NAALADL2: variants seen among roughly 807,000 people sequenced by gnomAD.
The protein encoded by NAALADL2 is inactive N-acetylated-alpha-linked acidic dipeptidase-like protein 2.
In NAALADL2, 76 loss-of-function variants were observed where a neutral mutation model predicts 87.2. The ratio of observed to expected loss-of-function variants is 0.87; its 90% CI spans 0.72 to 1.05. The LOEUF (loss-of-function observed/expected upper bound fraction) is 1.05, where lower values mean the gene tolerates loss of function less well. Among genes scored for constraint, NAALADL2 ranks in the 50% least tolerant of loss-of-function variants. The pLI is 0.00. For missense variants in NAALADL2, 1,089 were observed against 945.8 expected (o/e 1.15, Z -1.99); for synonymous variants, 354 against 331.0 (o/e 1.07, Z -0.75).
At chr3:175,065,716 G>C (rs1714413730) in intron 1 of NAALADL2, among the ~76,000 whole-genome samples, 1 of 151,926 alleles carries the variant, frequency 6.6e-6, no homozygotes, top group African/African-American at 2.4e-5. Context: ...AGGTCATGGA[G>C]AAAAAAAAGA....
intron 5 of NAALADL2, among the ~76,000 whole-genome samples, chr3:175,438,620 A>C (rs1489909538): frequency 6.6e-6 from 1 of 152,080 alleles, no homozygotes; most frequent in Non-Finnish European, 1.5e-5. Context: ...CACAGTATTA[A>C]TACTTTTAGT....
intron 13 of NAALADL2, among the ~76,000 whole-genome samples, chr3:175,769,719 T>G (rs891341538): frequency 8.5e-6 from 1 of 116,970 alleles, no homozygotes; most frequent in Non-Finnish European, 1.6e-5. Context: ...CATGTATATG[T>G]GTGTGCATGT....
intron 3 of NAALADL2, among the ~76,000 whole-genome samples, chr3:175,250,298 G>T (rs1748829643): frequency 6.7e-6 from 1 of 148,580 alleles, no homozygotes; most frequent in Non-Finnish European, 1.5e-5. Flanking sequence ...TGGTGTGTTT[G>T]TCATGTGGGG....
chr3:175,737,699 C>G (rs1744678084), intron 12 of NAALADL2, among the ~76,000 whole-genome samples: 1 of 125,070 alleles, frequency 8.0e-6, no homozygotes, highest in African/African-American at 3.1e-5. Context: ...TAGAATAATA[C>G]AGTTCAATGA....
intron 1 of NAALADL2, among the ~76,000 whole-genome samples, chr3:175,019,579 A>G (rs1488339747): frequency 1.3e-5 from 2 of 152,000 alleles, no homozygotes; most frequent in East Asian, 1.9e-4. Flanking sequence ...TGGCCATTCA[A>G]AAACTGACCA....
intron 2 of NAALADL2, among the ~76,000 whole-genome samples, chr3:174,736,220 T>C (rs1212831078): frequency 1.3e-5 from 2 of 152,040 alleles, no homozygotes; most frequent in South Asian, 2.1e-4. Context: ...CTTTTCTCCT[T>C]CTTGTTGCCT....
chr3:175,093,014 T>C (rs1296009532), intron 1 of NAALADL2, among the ~76,000 whole-genome samples: 1 of 151,896 alleles, frequency 6.6e-6, no homozygotes, highest in Non-Finnish European at 1.5e-5. Context: ...TATACTAAAG[T>C]ATATCTCTTT....
At chr3:175,134,890 A>G (rs72622556) in intron 2 of NAALADL2, among the ~76,000 whole-genome samples, 13,467 of 152,294 alleles carry the variant, frequency 0.088, 707 homozygotes, top group East Asian at 0.27. Flanking sequence ...GCATAAATCA[A>G]TTTAACTAAA....
chr3:175,523,731 TG>T (rs1428557558), intron 9 of NAALADL2, among the ~76,000 whole-genome samples: 12 of 152,146 alleles, frequency 7.9e-5, no homozygotes, highest in Non-Finnish European at 1.6e-4. Flanking sequence ...AAACTAATTC[TG>T]ATTGGCTAAT....
chr3:175,520,375 T>G (rs1388223812), intron 9 of NAALADL2, among the ~76,000 whole-genome samples: 2 of 142,700 alleles, frequency 1.4e-5, no homozygotes, highest in African/African-American at 5.2e-5. Context: ...CTCGGCTCAC[T>G]GCAAGCTCCG....
At chr3:174,476,225 G>T (rs1181430701) in intron 1 of NAALADL2, among the ~76,000 whole-genome samples, 2 of 150,180 alleles carry the variant, frequency 1.3e-5, no homozygotes, top group Non-Finnish European at 3.0e-5. Flanking sequence ...TTTGTTAATG[G>T]TTATTTAAAG....
At chr3:174,531,982 T>G (rs557595600) in intron 1 of NAALADL2, among the ~76,000 whole-genome samples, 2 of 152,196 alleles carry the variant, frequency 1.3e-5, no homozygotes, top group Non-Finnish European at 2.9e-5. Flanking sequence ...TCAGTATTGA[T>G]TTAGACTAAT....
intron 9 of NAALADL2, among the ~76,000 whole-genome samples, chr3:175,485,109 C>T (rs1258336680): frequency 1.3e-5 from 2 of 152,124 alleles, no homozygotes; most frequent in African/African-American, 2.4e-5. Flanking sequence ...TGCTTAACCT[C>T]TCTTAGCTTC....
intron 10 of NAALADL2, among the ~76,000 whole-genome samples, chr3:175,616,510 G>A (rs960256722): frequency 4.6e-5 from 7 of 152,072 alleles, no homozygotes; most frequent in African/African-American, 1.7e-4. Flanking sequence ...CCAGCTAGAA[G>A]AGATTGCATG....
At position 175,737,330 on chromosome 3, in the gene NAALADL2, A is replaced by T. The variant is rs1487145216; in HGVS notation, c.1921A>T (p.Ile641Phe). Residue 641 changes from isoleucine to phenylalanine, a missense_variant, in exon 12 of 14, where the codon ATT (isoleucine) becomes TTT (phenylalanine). Transcript: ENST00000454872. ...GCTCTCAGGAGAAGTGATTTTGCAA[A>T]TTGCCAACGAACCTGTTCTGCCCTT... Reference protein sequence around the residue: ...TKLSGEVILQIANEPVLPFNA... With the variant: ...TKLSGEVILQFANEPVLPFNA... 6.2e-7 allele frequency: 1 copy of T among 1,611,442 alleles called. No individual in the cohort carries two copies.
At chr3:174,878,236 C>G (rs1404306726) in intron 1 of NAALADL2, among the ~76,000 whole-genome samples, 1 of 152,072 alleles carries the variant, frequency 6.6e-6, no homozygotes, top group Non-Finnish European at 1.5e-5. Context: ...AACGTTTAAA[C>G]TGAGTGTGTA....
At chr3:175,742,064 G>T (rs1745298488) in intron 12 of NAALADL2, among the ~76,000 whole-genome samples, 1 of 152,116 alleles carries the variant, frequency 6.6e-6, no homozygotes, top group African/African-American at 2.4e-5. Context: ...CAATTTACAG[G>T]AATAGTCGCT....
At chr3:175,555,244 T>C (rs1332518329) in intron 9 of NAALADL2, among the ~76,000 whole-genome samples, 1 of 152,196 alleles carries the variant, frequency 6.6e-6, no homozygotes, top group African/African-American at 2.4e-5. Context: ...GACAAAGTGA[T>C]CACATTAGTA....
At chr3:174,450,836 C>T (rs1481413543) in intron 1 of NAALADL2, among the ~76,000 whole-genome samples, 2 of 136,944 alleles carry the variant, frequency 1.5e-5, no homozygotes, top group East Asian at 4.3e-4. Flanking sequence ...TGCCACTGCA[C>T]TCCAGCCTGG....
Sources: allele counts gnomAD v4.1 joint callset (sites outside exome capture counted in the v4.1 genomes callset), GRCh38; gene constraint gnomAD v4.1.1; transcripts MANE v1.5; gene names NCBI Gene and HGNC (gene_info 2026-07-23, HGNC 2026-07-21).